ZNF518A: variants seen among roughly 807,000 people sequenced by gnomAD.
ZNF518A encodes zinc finger protein 518.
ZNF518A carries 47 observed loss-of-function variants against 102.7 expected under a neutral mutation model. That is an observed-to-expected ratio of 0.46 (90% CI 0.36 to 0.58). ZNF518A has a LOEUF of 0.58. ZNF518A is among the 20% of genes least tolerant of loss of function. The pLI is 0.00. For synonymous variants in ZNF518A, 652 were observed against 594.6 expected (o/e 1.10, Z -1.40); for missense variants, 1,793 against 1,699.8 (o/e 1.05, Z -0.96).
Position 96,156,924 on chromosome 10 carries a change from A to C in ZNF518A, c.602A>C (p.His201Pro). The C allele has an allele frequency of 1.2e-6, 2 of 1,613,866 alleles. No homozygotes were observed. The highest frequency in any genetic ancestry group is 2.7e-5 in the African/African-American group (2 of 75,050). Residue 201 changes from histidine (H) to proline (P), a missense_variant, in exon 6 of 6, where the codon CAT becomes CCT. This residue lies in a region of ZNF518A where 1,741 missense variants were observed against 1,622.6 expected (regional missense o/e 1.07). Transcript: ENST00000316045. ...LNLTKHFTST[H>P]CVNGNFQCEK... ...TTGACAAAGCATTTCACATCCACACATTGTGTTAATGGTAATTTTCAATGT... is the reference window on the plus strand; with the variant it reads ...TTGACAAAGCATTTCACATCCACACCTTGTGTTAATGGTAATTTTCAATGT...
In ZNF518A at chr10:96,156,758, G is replaced by T. The variant is rs1554882729; in HGVS notation, c.436G>T (p.Glu146Ter). Residue 146 changes from glutamate to a stop codon, truncating the protein, a stop_gained, in exon 6 of 6, where the codon GAA (glutamate) becomes TAA (stop). Coordinates refer to ENST00000316045, the MANE Select transcript of ZNF518A (RefSeq NM_001330736.2). LOFTEE classifies it high-confidence loss of function. ...ACACTTTCAAATGTGGCACCATGGC[G>T]AATTACCTTCATATCCTTGTGAAAT... Reference protein sequence around the residue: ...QKHFQMWHHGELPSYPCEMCN... With the variant: ...QKHFQMWHHG The T allele has an allele frequency of 6.2e-7, 1 of 1,613,780 alleles. No homozygotes were observed. The highest frequency in any genetic ancestry group is 1.3e-5 in the African/African-American group (1 of 74,914).
At chr10:96,149,386 T>C (rs1264159735) in intron 3 of ZNF518A, among the ~76,000 whole-genome samples, 1 of 152,120 alleles carries the variant, frequency 6.6e-6, no homozygotes, top group Non-Finnish European at 1.5e-5. Context: ...GCCTACTCTC[T>C]CCCCTGTGCC....
chr10:96,196,212 A>G (rs1424112498), intron 1 of ZNF518A, among the ~76,000 whole-genome samples: 2 of 152,146 alleles, frequency 1.3e-5, no homozygotes, highest in African/African-American at 2.4e-5. Flanking sequence ...TCCAACTTAC[A>G]TTCTACCCAT....
Position 96,160,566 on chromosome 10 carries a change from C to T in ZNF518A, c.4244C>T (p.Ser1415Phe). The T allele has an allele frequency of 3.7e-6, 6 of 1,611,884 alleles. No homozygotes were observed. The highest frequency in any genetic ancestry group is 5.1e-6 in the Non-Finnish European group (6 of 1,179,152). Residue 1415 changes from serine to phenylalanine, a missense_variant, in exon 6 of 6, where the codon TCT becomes TTT. Physicochemically the swap from Ser to Phe is radical, Grantham distance 155. Around this residue, in one of 3 missense-constraint regions of ZNF518A, gnomAD observed 1,741 missense variants for 1,622.6 expected, o/e 1.07. Transcript: ENST00000316045. Reference protein sequence around the residue: ...KRHKTFKPVSSVKERFVLKLT... With the variant: ...KRHKTFKPVSFVKERFVLKLT... ...CACAAAACATTTAAACCTGTTAGTTCTGTGAAAGAAAGATTTGTGCTAAAA... is the reference window on the plus strand; with the variant it reads ...CACAAAACATTTAAACCTGTTAGTTTTGTGAAAGAAAGATTTGTGCTAAAA...
chr10:96,196,811 G>C, intron 1 of ZNF518A: 1 of 1,229,408 alleles, frequency 8.1e-7, no homozygotes, highest in South Asian at 1.3e-5. Flanking sequence ...AAGTACTTTT[G>C]TATCCTTTCT....
chr10:96,157,632 C>T lies in ZNF518A; in HGVS notation c.1310C>T (p.Ser437Phe), dbSNP rs2082759880. Residue 437 changes from serine (S) to phenylalanine (F), a missense_variant, in exon 6 of 6, where the codon TCC (serine) becomes TTC (phenylalanine). By Grantham distance (155) the Ser-to-Phe change is radical. Coordinates refer to ENST00000316045, the MANE Select transcript of ZNF518A (RefSeq NM_001330736.2). ...ATGAAAAATAATAAACTAGCAGTTT[C>T]CCCTAACTATAATGCTACGTTTATG... ...VMMKNNKLAV[S>F]PNYNATFMGF... 6.2e-7 allele frequency: 1 copy of T among 1,613,714 alleles called. No individual in the cohort carries two copies. Among genetic ancestry groups the T allele is most frequent in the Non-Finnish European group, 8.5e-7 (1 of 1,179,800 alleles).
downstream of ZNF518A, chr10:96,204,178 C>A: frequency 7.4e-7 from 1 of 1,348,112 alleles, no homozygotes; most frequent in Non-Finnish European, 1.1e-6. Context: ...TGTGAACAGG[C>A]ACATCACAAA....
chr10:96,176,377 T>G (rs1166838347), intron 1 of ZNF518A, among the ~76,000 whole-genome samples: 3 of 152,152 alleles, frequency 2.0e-5, no homozygotes, highest in African/African-American at 7.2e-5. Context: ...CAATAATAAC[T>G]GAAAATTTTC....
At chr10:96,145,898 T>A (rs587702766) in intron 3 of ZNF518A, among the ~76,000 whole-genome samples, 2 of 152,358 alleles carry the variant, frequency 1.3e-5, no homozygotes, top group Admixed American at 1.3e-4. Flanking sequence ...GCTTGTGCTA[T>A]CATAAGGTAG....
chr10:96,148,389 G>C (rs1454631397), intron 3 of ZNF518A, among the ~76,000 whole-genome samples: 7 of 152,116 alleles, frequency 4.6e-5, no homozygotes, highest in Non-Finnish European at 8.8e-5. Flanking sequence ...GTGGTGAGCT[G>C]AGATCGTGCC....
At position 96,162,499 on chromosome 10, in the gene ZNF518A, C is replaced by CA. The variant is rs1157340106; in HGVS notation, c.*1727dup. 1.3e-4 allele frequency: 21 copies of CA among 167,018 alleles called. No individual in the cohort carries two copies. Among genetic ancestry groups the CA allele is most frequent in the African/African-American group, 4.8e-4 (20 of 41,576 alleles). The allele number at this position is 167,018 out of a possible 1,614,324, so 10.3% of individuals were successfully genotyped here. On this transcript the variant is annotated 3_prime_UTR_variant, in exon 6 of 6. Coordinates refer to ENST00000316045, the MANE Select transcript of ZNF518A (RefSeq NM_001330736.2). Reference sequence around the variant, plus strand: ...AAAGAAAGCCATACATAGAATGCTTCAAGCTATCTTGCTATGCACATTATA... The same window carrying CA: ...AAAGAAAGCCATACATAGAATGCTTCAAAGCTATCTTGCTATGCACATTATA...
rs782520421 is a variant in ZNF518A, at chr10:96,158,590, C to G, written c.2268C>G (p.Val756=). 6.2e-7 allele frequency: 1 copy of G among 1,613,164 alleles called. No homozygotes were observed. Among genetic ancestry groups the G allele is most frequent in the Non-Finnish European group, 8.5e-7 (1 of 1,179,606 alleles). The stretch of plus-strand genomic sequence containing the variant: ...CTAAATGGGAAGACTTTTCTAATGT[C>G]GATTCACCTATGATGCCTAGAATCA... The part of the protein sequence containing the change: ...EKSKWEDFSN[V]DSPMMPRITS... The change falls in exon 6 of 6, where the codon GTC becomes GTG. Residue 756 remains valine (V), a synonymous_variant. Transcript: ENST00000316045.
chr10:96,153,305 C>G (rs587711129), intron 3 of ZNF518A, among the ~76,000 whole-genome samples: 1 of 152,340 alleles, frequency 6.6e-6, no homozygotes, highest in Admixed American at 6.5e-5. Context: ...CCCACTCAGT[C>G]TACTGACTCA....
intron 1 of ZNF518A, among the ~76,000 whole-genome samples, chr10:96,131,352 C>T (rs1401370942): frequency 6.6e-6 from 1 of 152,170 alleles, no homozygotes; most frequent in Admixed American, 6.5e-5. Context: ...TAAATTGATT[C>T]AGTGAAATTT....
chr10:96,181,526 G>A (rs587641482), intron 1 of ZNF518A, among the ~76,000 whole-genome samples: 33 of 152,250 alleles, frequency 2.2e-4, no homozygotes, highest in Non-Finnish European at 3.2e-4. Context: ...TTTTGTCTAA[G>A]GTGTAAGGAA....
At chr10:96,135,236 TA>T (rs1279464040) in intron 3 of ZNF518A, 1 of 152,250 alleles carries the variant, frequency 6.6e-6, no homozygotes, top group Non-Finnish European at 1.5e-5. Context: ...AGTGAAGCCA[TA>T]AGGAGATGGG....
intron 1 of ZNF518A, among the ~76,000 whole-genome samples, chr10:96,176,584 T>G (rs1434039052): frequency 6.6e-6 from 1 of 151,994 alleles, no homozygotes; most frequent in African/African-American, 2.4e-5. Flanking sequence ...GGAAACATAG[T>G]GAGACCTTGT....
rs370172816 is a variant in ZNF518A, at chr10:96,160,781, A to T, written c.*7A>T. 1 of 1,529,646 alleles carries T rather than the reference A, an allele frequency of 6.5e-7. No homozygotes were observed. The highest frequency in any genetic ancestry group is 8.7e-7 in the Non-Finnish European group (1 of 1,144,106). The allele number at this position is 1,529,646 out of a possible 1,614,324, so 94.8% of individuals were successfully genotyped here. ...TTGGAACATGTTAGAATAGTTTACC[A>T]TAATTACCAAGGAAAAGAAAAGTAA... is the stretch of plus-strand genomic sequence containing the variant. On this transcript the variant is annotated 3_prime_UTR_variant, in exon 6 of 6. Transcript: ENST00000316045.
In ZNF518A at chr10:96,160,916, A is replaced by T; in HGVS notation, c.*142A>T. ...TAAAAGTTGATTGTATTTCTGTGGAAGAGTAAAAGTTGTATGTATGATATT... is the reference window on the plus strand; with the variant it reads ...TAAAAGTTGATTGTATTTCTGTGGATGAGTAAAAGTTGTATGTATGATATT... On this transcript the variant is annotated 3_prime_UTR_variant, in exon 6 of 6. Coordinates refer to ENST00000316045, the MANE Select transcript of ZNF518A (RefSeq NM_001330736.2). 1 of 934,968 alleles carries T rather than the reference A, an allele frequency of 1.1e-6. No homozygotes were observed. The highest frequency in any genetic ancestry group is 1.5e-6 in the Non-Finnish European group (1 of 673,246). The allele number at this position is 934,968 out of a possible 1,614,324, so 57.9% of individuals were successfully genotyped here.
Sources: gnomAD v4.1 joint callset for allele counts (sites outside exome capture counted in the v4.1 genomes callset) on GRCh38, gnomAD v4.1.1 for gene constraint, gnomAD v4.1.1 regional missense constraint, MANE v1.5 for transcripts, NCBI Gene and HGNC (gene_info 2026-07-23, HGNC 2026-07-21) for gene names.